PPM1H: variants seen among roughly 807,000 people sequenced by gnomAD.
PPM1H encodes the protein protein phosphatase, Mg2+/Mn2+ dependent 1H.
PPM1H carries 27 observed loss-of-function variants against 54.9 expected under a neutral mutation model. The observed-to-expected ratio is 0.49, with a 90% CI of 0.36 to 0.68. The LOEUF (loss-of-function observed/expected upper bound fraction) is 0.68, where lower values mean the gene tolerates loss of function less well. Ranked by LOEUF, PPM1H falls within the 30% of genes least tolerant of loss-of-function variation. PPM1H has a pLI of 0.00. For synonymous variants in PPM1H, 305 were observed against 270.8 expected (o/e 1.13, Z -1.24); for missense variants, 596 against 667.8 (o/e 0.89, Z 1.19).
intron 1 of PPM1H, among the ~76,000 whole-genome samples, chr12:62,884,501 C>CAA (rs6144736): frequency 0.051 from 4,574 of 89,824 alleles, 332 homozygotes; most frequent in African/African-American, 0.15. Context: ...AACTCCATAT[C>CAA]AAAAAAAAAA....
At chr12:62,906,428 T>C (rs1871304277) in intron 1 of PPM1H, among the ~76,000 whole-genome samples, 1 of 152,210 alleles carries the variant, frequency 6.6e-6, no homozygotes, top group Admixed American at 6.5e-5. Context: ...GCAGTTTAAG[T>C]TGTTAAAAGA....
intron 4 of PPM1H, among the ~76,000 whole-genome samples, chr12:62,745,880 C>T (rs2076407633): frequency 6.6e-6 from 1 of 152,108 alleles, no homozygotes; most frequent in Non-Finnish European, 1.5e-5. Flanking sequence ...AAGGTTAGAT[C>T]TTGTTAATCT....
chr12:62,891,794 T>C (rs1029462088), intron 1 of PPM1H, among the ~76,000 whole-genome samples: 1 of 152,196 alleles, frequency 6.6e-6, no homozygotes, highest in African/African-American at 2.4e-5. Context: ...AATATATTCT[T>C]TACTGTTCAG....
chr12:62,688,596 C>T (rs2076066899), intron 8 of PPM1H, among the ~76,000 whole-genome samples: 1 of 151,982 alleles, frequency 6.6e-6, no homozygotes, highest in South Asian at 2.1e-4. Flanking sequence ...TTTTTTTAAA[C>T]CAAATATATG....
At position 62,892,896 on chromosome 12, in the gene PPM1H, T is replaced by C. The variant is rs1010587019; in HGVS notation, c.245+41596A>G. 5.3e-5 allele frequency among the ~76,000 whole-genome samples: 8 copies of C among 152,350 alleles called. No homozygotes were observed. In the East Asian group the frequency reaches 1.5e-3, roughly 29 times the overall value. On this transcript the variant is annotated intron_variant, in intron 1 of 9. Coordinates refer to ENST00000228705, the MANE Select transcript of PPM1H (RefSeq NM_020700.2). ...AAATGGACATCAGAAATTCCTCCCA[T>C]CTCTGTATAGACATGCCATTCCTCC...
At chr12:62,734,483 T>C (rs1373763012) in intron 5 of PPM1H, among the ~76,000 whole-genome samples, 1 of 152,050 alleles carries the variant, frequency 6.6e-6, no homozygotes, top group East Asian at 1.9e-4. Context: ...GTCACTGAAG[T>C]TCCTTGTGGA....
chr12:62,751,218 T>C (rs1452963859), intron 4 of PPM1H, among the ~76,000 whole-genome samples: 1 of 152,226 alleles, frequency 6.6e-6, no homozygotes, highest in Non-Finnish European at 1.5e-5. Flanking sequence ...ACTAATACCC[T>C]GCATTGGTCA....
chr12:62,802,208 C>T, intron 2 of PPM1H, 48 bp from the exon 3 acceptor site: 2 of 1,445,634 alleles, frequency 1.4e-6, no homozygotes, highest in African/African-American at 1.4e-5. Flanking sequence ...GTGGACTTTG[C>T]CTCAGGGTCA....
Position 62,751,942 on chromosome 12 carries a change from C to T in PPM1H, c.870-14356G>A, listed in dbSNP as rs190060316. Among the ~76,000 whole-genome samples, 425 of 152,314 alleles carry T rather than the reference C, an allele frequency of 2.8e-3. 9 individuals are homozygous for T. Among genetic ancestry groups the T allele is most frequent in the Non-Finnish European group, 1.3e-3 (87 of 68,034 alleles). ...CTGCACACCAGCCCTACCTGTAAGG[C>T]CTCTCTGGCTCTGCCTGGTAACAGT... On this transcript the variant is annotated intron_variant, in intron 4 of 9. Transcript: ENST00000228705.
chr12:62,922,606 C>T (rs1428861023), intron 1 of PPM1H, among the ~76,000 whole-genome samples: 2 of 152,134 alleles, frequency 1.3e-5, no homozygotes, highest in Non-Finnish European at 2.9e-5. Flanking sequence ...AAAGAAAATA[C>T]AGCTAGGCAG....
intron 1 of PPM1H, among the ~76,000 whole-genome samples, chr12:62,837,342 G>C (rs1305658837): frequency 6.6e-6 from 1 of 152,210 alleles, no homozygotes; most frequent in Non-Finnish European, 1.5e-5. Context: ...TAGTGGTCCT[G>C]TCACAAAGGC....
intron 8 of PPM1H, among the ~76,000 whole-genome samples, chr12:62,670,486 T>C (rs955499480): frequency 1.3e-5 from 2 of 152,090 alleles, no homozygotes; most frequent in African/African-American, 4.8e-5. Flanking sequence ...AATTTCAGAG[T>C]CTGCCCTATG....
chr12:62,709,540 G>A (rs61919545), intron 6 of PPM1H, among the ~76,000 whole-genome samples: 5,916 of 152,006 alleles, frequency 0.039, 202 homozygotes, highest in East Asian at 0.14. Context: ...AACCCCTCTC[G>A]TAATCCAGAT....
rs185126842 is a variant in PPM1H, at chr12:62,718,510, A to G, written c.1073+1661T>C. Among the ~76,000 whole-genome samples the G allele has an allele frequency of 1.5e-3, 226 of 152,212 alleles. 3 individuals are homozygous for G. The highest frequency in any genetic ancestry group is 2.1e-4 in the Non-Finnish European group (14 of 68,018). On this transcript the variant is annotated intron_variant, in intron 6 of 9. Coordinates refer to ENST00000228705, the MANE Select transcript of PPM1H (RefSeq NM_020700.2). ...CACCCCATAGCCTCCCAGTAAATCT[A>G]AACTTGTCTGGCATCCCGTTTTCCC...
intron 1 of PPM1H, among the ~76,000 whole-genome samples, chr12:62,928,111 G>C (rs1872029840): frequency 6.6e-6 from 1 of 152,168 alleles, no homozygotes; most frequent in Admixed American, 6.5e-5. Context: ...GTGCTTAATA[G>C]AGAACCTACA....
At chr12:62,783,219 A>G (rs1474374211) in intron 4 of PPM1H, among the ~76,000 whole-genome samples, 1 of 152,214 alleles carries the variant, frequency 6.6e-6, no homozygotes, top group Non-Finnish European at 1.5e-5. Flanking sequence ...CTCCTTTTCT[A>G]TATTATAAAT....
At chr12:62,706,200 TTG>T (rs2076173457) in intron 6 of PPM1H, among the ~76,000 whole-genome samples, 1 of 152,236 alleles carries the variant, frequency 6.6e-6, no homozygotes, top group Non-Finnish European at 1.5e-5. Context: ...CATGAGAGTT[TTG>T]CACAAGCCTA....
chr12:62,677,579 A>G (rs2075994981), intron 8 of PPM1H, among the ~76,000 whole-genome samples: 1 of 152,166 alleles, frequency 6.6e-6, no homozygotes, highest in South Asian at 2.1e-4. Context: ...GTATGTCTGG[A>G]TGTGTGTAGT....
At chr12:62,824,842 C>G (rs2120830094) in intron 2 of PPM1H, among the ~76,000 whole-genome samples, 1 of 152,154 alleles carries the variant, frequency 6.6e-6, no homozygotes, top group South Asian at 2.1e-4. Flanking sequence ...TAGGCATGGG[C>G]AAGGACTTCA....
Sources: allele counts gnomAD v4.1 joint callset (sites outside exome capture counted in the v4.1 genomes callset), GRCh38; gene constraint gnomAD v4.1.1; transcripts MANE v1.5; gene names NCBI Gene and HGNC (gene_info 2026-07-23, HGNC 2026-07-21).